Variants in CDK14 observed in about 807,000 individuals in gnomAD.
CDK14 encodes the protein cyclin dependent kinase 14, also known as cyclin-dependent kinase 14.
CDK14 carries 34 observed loss-of-function variants against 60.7 expected under a neutral mutation model. That is an observed-to-expected ratio of 0.56 (90% confidence interval 0.43 to 0.75). The LOEUF is 0.75. CDK14 is among the 30% of genes least tolerant of loss of function. CDK14 has a pLI of 0.00. For synonymous variants in CDK14, 197 were observed against 203.7 expected, an observed-to-expected ratio of 0.97 and a Z score of 0.28; for missense variants, 482 against 564.1, an observed-to-expected ratio of 0.85 and a Z score of 1.47.
At chr7:90,838,977 A>T (rs987121120) in intron 5 of CDK14, among the ~76,000 whole-genome samples, 6 of 152,034 alleles carry the variant, frequency 3.9e-5, no homozygotes, top group African/African-American at 1.4e-4. Context: ...CCTAATAAAA[A>T]CTTGCTGGTT....
At chr7:90,659,158 A>G (rs898577701) in intron 2 of CDK14, among the ~76,000 whole-genome samples, 3 of 152,212 alleles carry the variant, frequency 2.0e-5, no homozygotes, top group African/African-American at 4.8e-5. Context: ...AAAAACCTAT[A>G]CGTTGGTTGG....
intron 10 of CDK14, among the ~76,000 whole-genome samples, chr7:90,993,218 A>C (rs2115702558): frequency 6.6e-6 from 1 of 152,302 alleles, no homozygotes; most frequent in South Asian, 2.1e-4. Flanking sequence ...AAGCCAGGTT[A>C]CAATGGATTT....
Position 90,978,340 on chromosome 7 carries a change from A to G in CDK14, c.948-5808A>G, listed in dbSNP as rs1485322874. Among the ~76,000 whole-genome samples the G allele has an allele frequency of 2.6e-5, 4 of 152,296 alleles. No individual in the cohort carries two copies. In the East Asian group the frequency reaches 5.8e-4, roughly 22 times the overall value. On this transcript the variant is annotated intron_variant, in intron 9 of 14. Coordinates refer to ENST00000380050, the MANE Select transcript of CDK14 (RefSeq NM_001287135.2). ...GAAAAAAGTTCAAGGGATAATTTTA[A>G]AAATTGGATTCCTCTCCTTTTGTCG...
At chr7:91,186,510 TTAGA>T (rs1432876845) in intron 14 of CDK14, among the ~76,000 whole-genome samples, 3 of 151,842 alleles carry the variant, frequency 2.0e-5, no homozygotes, top group South Asian at 2.1e-4. Flanking sequence ...ATCATTGATC[TTAGA>T]TAGGCCAATT....
At chr7:90,617,006 T>G (rs1799664208) in intron 2 of CDK14, among the ~76,000 whole-genome samples, 1 of 152,166 alleles carries the variant, frequency 6.6e-6, no homozygotes, top group East Asian at 1.9e-4. Context: ...ACCTTACCTC[T>G]TATCACAATT....
chr7:91,094,526 A>G (rs1273926493), intron 12 of CDK14, among the ~76,000 whole-genome samples: 3 of 152,116 alleles, frequency 2.0e-5, no homozygotes, highest in Non-Finnish European at 4.4e-5. Flanking sequence ...ATCTCATTTA[A>G]TCCCGAAAAC....
At chr7:90,686,083 T>C (rs1801428726) in intron 2 of CDK14, among the ~76,000 whole-genome samples, 1 of 152,164 alleles carries the variant, frequency 6.6e-6, no homozygotes, top group Admixed American at 6.6e-5. Flanking sequence ...CCTTCAATAT[T>C]TTCATCTTTA....
intron 9 of CDK14, among the ~76,000 whole-genome samples, chr7:90,972,702 T>C (rs1584186093): frequency 6.6e-6 from 1 of 152,368 alleles, no homozygotes; most frequent in East Asian, 1.9e-4. Context: ...GTTTTGCATT[T>C]AATCTAACTT....
chr7:90,708,840 G>A (rs186932659), intron 2 of CDK14, among the ~76,000 whole-genome samples: 1 of 152,194 alleles, frequency 6.6e-6, no homozygotes, highest in East Asian at 1.9e-4. Context: ...TTTCTCAGTT[G>A]TATTGTTGTA....
At position 91,117,530 on chromosome 7, in the gene CDK14, G is replaced by C. The variant is rs1799645909; in HGVS notation, c.1295-535G>C. Among the ~76,000 whole-genome samples, 4 of 152,182 alleles carry C rather than the reference G, an allele frequency of 2.6e-5. No individual in the cohort carries two copies. The South Asian group carries it at 8.3e-4, about 32-fold the overall frequency. On this transcript the variant is annotated intron_variant, in intron 13 of 14. Coordinates refer to ENST00000380050, the MANE Select transcript of CDK14 (RefSeq NM_001287135.2). ...TCCACCAATGTCCCTTCTCAGGAGA[G>C]ACTTCACTGACCTCCTTCCACCCTA...
At chr7:90,838,357 G>C (rs140780485) in intron 5 of CDK14, among the ~76,000 whole-genome samples, 168 of 152,180 alleles carry the variant, frequency 1.1e-3, no homozygotes, top group African/African-American at 3.6e-3. Flanking sequence ...TGCGTTAACT[G>C]TACAAATTGT....
chr7:91,115,531 A>G (rs1315590633), intron 13 of CDK14, among the ~76,000 whole-genome samples: 1 of 152,188 alleles, frequency 6.6e-6, no homozygotes, highest in Non-Finnish European at 1.5e-5. Context: ...GGACGGACAC[A>G]ATTCAATCCA....
intron 4 of CDK14, among the ~76,000 whole-genome samples, chr7:90,757,549 TACAA>T (rs905158117): frequency 5.9e-5 from 9 of 152,074 alleles, no homozygotes; most frequent in African/African-American, 2.2e-4. Flanking sequence ...CTTTTTAAAG[TACAA>T]ACAAAGGATA....
chr7:91,049,504 G>A (rs1026165679), intron 11 of CDK14, among the ~76,000 whole-genome samples: 1 of 152,166 alleles, frequency 6.6e-6, no homozygotes, highest in Non-Finnish European at 1.5e-5. Context: ...TTACAGGTAT[G>A]AACCACTGTG....
intron 6 of CDK14, among the ~76,000 whole-genome samples, chr7:90,865,367 T>C (rs965398945): frequency 6.6e-5 from 10 of 152,162 alleles, no homozygotes; most frequent in Non-Finnish European, 1.2e-4. Context: ...GAATATTACC[T>C]AAAGTTTTTA....
chr7:91,050,636 A>G (rs1317518610), intron 11 of CDK14, among the ~76,000 whole-genome samples: 1 of 152,230 alleles, frequency 6.6e-6, no homozygotes, highest in Admixed American at 6.5e-5. Flanking sequence ...GTTACATACA[A>G]TAAGGAGTCT....
chr7:90,708,487 ATATTTG>A (rs982236669), intron 2 of CDK14, among the ~76,000 whole-genome samples: 3 of 152,218 alleles, frequency 2.0e-5, no homozygotes, highest in African/African-American at 7.2e-5. Flanking sequence ...AAAGTATGTA[ATATTTG>A]TATTTGAACA....
At chr7:91,126,293 C>T (rs1489776584) in intron 14 of CDK14, among the ~76,000 whole-genome samples, 1 of 152,174 alleles carries the variant, frequency 6.6e-6, no homozygotes, top group African/African-American at 2.4e-5. Context: ...AGATTATCCT[C>T]TTTTTGTCGG....
rs559174183 is a variant in CDK14 at position 90,664,921 on chromosome 7, G to C, written c.123+60672G>C. 1.2e-4 allele frequency among the ~76,000 whole-genome samples: 19 copies of C among 152,114 alleles called. No individual in the cohort carries two copies. The East Asian group carries it at 3.3e-3, about 26-fold the overall frequency. ...AACCTGCAGATTGTGCACATGTACT[G>C]TAAAACTTAAAGTATAATAATAATA... On this transcript the variant is annotated intron_variant, in intron 2 of 14. Coordinates refer to ENST00000380050, the MANE Select transcript of CDK14 (RefSeq NM_001287135.2).
Sources: allele counts gnomAD v4.1 joint callset (sites outside exome capture counted in the v4.1 genomes callset), GRCh38; gene constraint gnomAD v4.1.1; transcripts MANE v1.5; gene names NCBI Gene and HGNC (gene_info 2026-07-23, HGNC 2026-07-21).